LRRK2: variants seen among roughly 807,000 people sequenced by gnomAD.
LRRK2 encodes leucine-rich repeat serine/threonine-protein kinase 2.
Under a neutral mutation model 302.6 loss-of-function variants are expected in LRRK2, and 203 were observed. That is an observed-to-expected ratio of 0.67 (90% CI 0.60 to 0.75). LRRK2 has a LOEUF of 0.75. Ranked by LOEUF, LRRK2 falls within the 30% of genes least tolerant of loss-of-function variation. The pLI, the probability that LRRK2 is intolerant of heterozygous loss-of-function variation, is 0.00. For missense variants in LRRK2, 2,830 were observed against 2,951.0 expected (o/e 0.96, Z 0.95); for synonymous variants, 1,066 against 1,031.9 (o/e 1.03, Z -0.63).
intron 14 of LRRK2, among the ~76,000 whole-genome samples, chr12:40,268,296 G>A (rs765302289): frequency 2.0e-5 from 3 of 152,158 alleles, no homozygotes; most frequent in Non-Finnish European, 4.4e-5. Context: ...GTCTTCTGAT[G>A]AAATGGGCAC....
At chr12:40,308,429 A>C (rs1592266122) in intron 28 of LRRK2, 38 bp from the exon 29 acceptor site, 12 of 1,502,416 alleles carry the variant, frequency 8.0e-6, no homozygotes, top group African/African-American at 4.2e-5. Context: ...TATACTTTTA[A>C]GCAGTTTATT....
chr12:40,295,733 A>G (rs932084631), intron 23 of LRRK2, 89 bp downstream of exon 23: 2 of 1,276,788 alleles, frequency 1.6e-6, no homozygotes, highest in East Asian at 2.5e-5. Context: ...GTTTAAAAGA[A>G]CATTCTACTT....
At chr12:40,350,608 G>A (rs1163327354) in intron 43 of LRRK2, among the ~76,000 whole-genome samples, 1 of 151,996 alleles carries the variant, frequency 6.6e-6, no homozygotes, top group Non-Finnish European at 1.5e-5. Flanking sequence ...ATAATTAATT[G>A]GAAAAGTTTT....
chr12:40,280,735 A>G (rs1943655880), intron 18 of LRRK2, among the ~76,000 whole-genome samples: 2 of 152,104 alleles, frequency 1.3e-5, no homozygotes, highest in African/African-American at 4.8e-5. Flanking sequence ...AGATTGTGCC[A>G]CTGTACAGCA....
chr12:40,246,219 ATTTAATT>A (rs1941974134), intron 7 of LRRK2, among the ~76,000 whole-genome samples: 1 of 151,794 alleles, frequency 6.6e-6, no homozygotes, highest in Admixed American at 6.6e-5. Flanking sequence ...ATATTAAAAT[ATTTAATT>A]TTATCAAATA....
chr12:40,225,193 T>G lies in LRRK2; in HGVS notation c.62T>G (p.Val21Gly). Residue 21 changes from valine (V) to glycine (G), a missense_variant, in exon 1 of 51, where the codon GTC becomes GGC. This residue lies in a region of LRRK2 where 2,121 missense variants were observed against 2,148.0 expected (regional missense o/e 0.99). Transcript: ENST00000298910. ...EDEETLKKLI[V>G]RLNNVQEGKQ... is the part of the protein sequence containing the mutation. ...GAGGAAACTCTGAAGAAGTTGATAG[T>G]CAGGCTGAACAATGTCCAGGAAGGA... 1.2e-6 allele frequency: 2 copies of G among 1,614,160 alleles called. No individual in the cohort carries two copies. Among genetic ancestry groups the G allele is most frequent in the Non-Finnish European group, 1.7e-6 (2 of 1,180,008 alleles).
At chr12:40,269,435 T>C (rs553414377) in intron 14 of LRRK2, among the ~76,000 whole-genome samples, 39 of 152,096 alleles carry the variant, frequency 2.6e-4, no homozygotes, top group Admixed American at 6.6e-4. Context: ...TCAGGTACCA[T>C]CGTACCTGCA....
rs143120121 is a variant in LRRK2, at chr12:40,283,605, C to A, written c.2242-270C>A. Among the ~76,000 whole-genome samples, 33 of 152,270 alleles carry A rather than the reference C, an allele frequency of 2.2e-4. No individual in the cohort carries two copies. In the East Asian group the frequency reaches 6.4e-3, roughly 29 times the overall value. On this transcript the variant is annotated intron_variant, in intron 18 of 50. Transcript: ENST00000298910. ...CTGGATGTAAACAGAGATCTTGATG[C>A]CAAGCCTGTGGAGCTTTGTCTCCAT...
chr12:40,281,811 G>C lies in LRRK2; in HGVS notation c.2242-2064G>C, dbSNP rs530832773. ...CTTCCACAAACATGTGCAGCACACAGTGCTAGATAATTAATAGAGAATATA... is the reference window on the plus strand; with the variant it reads ...CTTCCACAAACATGTGCAGCACACACTGCTAGATAATTAATAGAGAATATA... On this transcript the variant is annotated intron_variant, in intron 18 of 50. Transcript: ENST00000298910. Among the ~76,000 whole-genome samples the C allele has an allele frequency of 1.1e-4, 17 of 152,322 alleles. No homozygotes were observed. In the South Asian group the frequency reaches 1.4e-3, roughly 13 times the overall value.
chr12:40,347,871 G>A (rs999314747), intron 42 of LRRK2, among the ~76,000 whole-genome samples: 2 of 152,030 alleles, frequency 1.3e-5, no homozygotes, highest in South Asian at 2.1e-4. Flanking sequence ...GCTGAGGCAC[G>A]AGAATAGCTT....
At chr12:40,284,163 T>G in intron 19 of LRRK2, 30 bp downstream of exon 19, 1 of 1,571,956 alleles carries the variant, frequency 6.4e-7, no homozygotes, top group South Asian at 1.2e-5. Context: ...TTTTTTACAA[T>G]TCTTATTTTT....
chr12:40,320,217 A>C, intron 34 of LRRK2, 42 bp downstream of exon 34: 1 of 1,471,854 alleles, frequency 6.8e-7, no homozygotes, highest in Non-Finnish European at 9.5e-7. Context: ...ATGGAAATTC[A>C]CTATCTATTC....
At chr12:40,319,887 T>C in intron 33 of LRRK2, 101 bp from the exon 34 acceptor site, 1 of 1,180,318 alleles carries the variant, frequency 8.5e-7, no homozygotes, top group Non-Finnish European at 1.2e-6. Flanking sequence ...CACTAAAATC[T>C]TTCTGACTAC....
rs535443516 is a variant in LRRK2, at chr12:40,322,262, G to T, written c.5318-57G>T. 108 of 1,596,254 alleles carry T rather than the reference G, an allele frequency of 6.8e-5. 1 individual carries two copies. The Middle Eastern group carries it at 3.5e-3, about 52-fold the overall frequency. ...AAAAAAAAAAAAACTTTACCTTAAA[G>T]CTTTGCGACAGTATGAGGTTTAGAC... On this transcript the variant is annotated intron_variant, in intron 36 of 50. Transcript: ENST00000298910.
intron 7 of LRRK2, among the ~76,000 whole-genome samples, chr12:40,249,017 G>A (rs1296161662): frequency 6.6e-6 from 1 of 152,152 alleles, no homozygotes; most frequent in Non-Finnish European, 1.5e-5. Context: ...TGAATATTTA[G>A]TTTGGGCTTT....
chr12:40,264,489 C>T lies in LRRK2; in HGVS notation c.1656+588C>T, dbSNP rs182280513. ...CAAAAATTAACTGGGCATGGTGGCACGTGCCTGTAATCCCAGCTACTCAGG... is the reference window on the plus strand; with the variant it reads ...CAAAAATTAACTGGGCATGGTGGCATGTGCCTGTAATCCCAGCTACTCAGG... On this transcript the variant is annotated intron_variant, in intron 14 of 50. Transcript: ENST00000298910. Among the ~76,000 whole-genome samples the T allele has an allele frequency of 7.2e-5, 11 of 152,124 alleles. No homozygotes were observed. In the East Asian group the frequency reaches 2.1e-3, roughly 30 times the overall value.
chr12:40,266,532 G>T (rs1262755491), intron 14 of LRRK2, among the ~76,000 whole-genome samples: 1 of 152,102 alleles, frequency 6.6e-6, no homozygotes. Flanking sequence ...GGAGAAATAG[G>T]AACACTTTTA....
At position 40,302,773 on chromosome 12, in the gene LRRK2, AT is replaced by A. The variant is rs201739149; in HGVS notation, c.3497-8del. 3.0e-3 allele frequency: 4,483 copies of A among 1,518,106 alleles called. 71 individuals are homozygous for A. The African/African-American group carries it at 0.04, about 13-fold the overall frequency. 94.0% of individuals were successfully genotyped at this position (1,518,106 alleles called of 1,614,324 possible). On this transcript the variant is annotated splice_polypyrimidine_tract_variant and intron_variant, in intron 25 of 50. Transcript: ENST00000298910. Reference sequence around the variant, plus strand: ...TTAAAATGATTAAAATGTTTATCTCATTTTTTTTCTTTTAGCTGCTATGCCT... The same window carrying A: ...TTAAAATGATTAAAATGTTTATCTCATTTTTTTCTTTTAGCTGCTATGCCT...
In LRRK2 at chr12:40,291,293, G is replaced by T. The variant is rs1287126191; in HGVS notation, c.2690-2252G>T. ...AGGGCCTGTTGTGGGGTGGGGGGAA[G>T]GGGGAGGGATAGCATTAGGAGATAC... On this transcript the variant is annotated intron_variant, in intron 20 of 50. Transcript: ENST00000298910. Among the ~76,000 whole-genome samples the T allele has an allele frequency of 2.0e-5, 3 of 151,802 alleles. No homozygotes were observed. In the East Asian group the frequency reaches 5.8e-4, roughly 29 times the overall value.
Sources: allele counts gnomAD v4.1 joint callset (sites outside exome capture counted in the v4.1 genomes callset), GRCh38; gene constraint gnomAD v4.1.1; regional missense constraint gnomAD v4.1.1; transcripts MANE v1.5; gene names NCBI Gene and HGNC (gene_info 2026-07-23, HGNC 2026-07-21).